MARCHF3: variants seen among roughly 807,000 people sequenced by gnomAD.
The protein encoded by MARCHF3 is membrane associated ring-CH-type finger 3, also known as E3 ubiquitin-protein ligase MARCHF3.
Under a neutral mutation model 24.2 loss-of-function variants are expected in MARCHF3, and 13 were observed. The observed-to-expected ratio is 0.54, with a 90% CI of 0.35 to 0.85. MARCHF3 has a LOEUF of 0.85. Ranked by LOEUF, MARCHF3 falls within the 40% of genes least tolerant of loss-of-function variation. The probability of loss-of-function intolerance (pLI) is 0.01; values close to 1 mark genes in which losing one functional copy is unlikely to be tolerated. For missense variants in MARCHF3, 276 were observed against 325.0 expected (o/e 0.85, Z 1.16); for synonymous variants, 144 against 137.3 (o/e 1.05, Z -0.34).
chr5:126,914,013 T>G (rs1011974367), intron 3 of MARCHF3, among the ~76,000 whole-genome samples: 3 of 147,506 alleles, frequency 2.0e-5, no homozygotes, highest in Non-Finnish European at 1.5e-5. Flanking sequence ...AGACGGAGTC[T>G]TGCTCTGTCA....
chr5:127,014,313 T>C (rs1289847994), intron 1 of MARCHF3, among the ~76,000 whole-genome samples: 2 of 152,252 alleles, frequency 1.3e-5, no homozygotes, highest in East Asian at 3.9e-4. Flanking sequence ...TCACCCCAGA[T>C]ACGATGGCTA....
chr5:126,958,027 A>C (rs1750504617), intron 1 of MARCHF3, among the ~76,000 whole-genome samples: 1 of 152,164 alleles, frequency 6.6e-6, no homozygotes, highest in Non-Finnish European at 1.5e-5. Flanking sequence ...TACATGTTAT[A>C]ACTACTTATT....
intron 1 of MARCHF3, among the ~76,000 whole-genome samples, chr5:126,973,742 C>T (rs374489837): frequency 2.0e-5 from 3 of 152,198 alleles, no homozygotes; most frequent in African/African-American, 4.8e-5. Flanking sequence ...AACATATATA[C>T]GTTTTTGTAG....
chr5:126,904,714 G>A lies in MARCHF3; in HGVS notation c.393+10216C>T, dbSNP rs571129647. Reference sequence around the variant, plus strand: ...AGTTCATTGTAGATTCTGGATATTAGCCCTTTGTCAGATGAGTAGGTTGGG... The same window carrying A: ...AGTTCATTGTAGATTCTGGATATTAACCCTTTGTCAGATGAGTAGGTTGGG... On this transcript the variant is annotated intron_variant, in intron 3 of 4. Transcript: ENST00000308660. Among the ~76,000 whole-genome samples the A allele has an allele frequency of 2.7e-4, 41 of 150,760 alleles. No homozygotes were observed. In the East Asian group the frequency reaches 7.6e-3, roughly 28 times the overall value.
intron 3 of MARCHF3, among the ~76,000 whole-genome samples, chr5:126,895,997 C>T (rs1189788619): frequency 6.6e-6 from 1 of 152,130 alleles, no homozygotes; most frequent in East Asian, 1.9e-4. Context: ...AAGCCAGGTG[C>T]GGGATATAAT....
At position 127,004,968 on chromosome 5, in the gene MARCHF3, A is replaced by G. The variant is rs59255338; in HGVS notation, c.-57+25382T>C. On this transcript the variant is annotated intron_variant, in intron 1 of 4. Coordinates refer to ENST00000308660, the MANE Select transcript of MARCHF3 (RefSeq NM_178450.5). Reference sequence around the variant, plus strand: ...TCAGCTGATGCTGGAGTTAAAAAAAAAAAAAGTTTTTCCTAAACACAAATC... The same window carrying G: ...TCAGCTGATGCTGGAGTTAAAAAAAGAAAAAGTTTTTCCTAAACACAAATC... Among the ~76,000 whole-genome samples the G allele has an allele frequency of 8.3e-3, 1,260 of 152,078 alleles. 19 individuals are homozygous for G. Among genetic ancestry groups the G allele is most frequent in the East Asian group, 0.025 (131 of 5,166 alleles).
chr5:126,931,500 T>C (rs1182097645), intron 1 of MARCHF3, among the ~76,000 whole-genome samples: 1 of 152,126 alleles, frequency 6.6e-6, no homozygotes, highest in African/African-American at 2.4e-5. Flanking sequence ...CTTAGATCTC[T>C]AGTCATATGT....
At chr5:126,927,761 G>A (rs1749344816) in intron 1 of MARCHF3, among the ~76,000 whole-genome samples, 1 of 152,188 alleles carries the variant, frequency 6.6e-6, no homozygotes, top group South Asian at 2.1e-4. Context: ...CACTCAGAAG[G>A]AAGGTCCTGA....
chr5:126,916,066 T>G (rs538170822), intron 2 of MARCHF3, among the ~76,000 whole-genome samples: 3 of 152,320 alleles, frequency 2.0e-5, no homozygotes, highest in South Asian at 4.1e-4. Flanking sequence ...AGCAAATGCC[T>G]AGTTAATGCT....
At chr5:126,908,272 C>A (rs907510391) in intron 3 of MARCHF3, among the ~76,000 whole-genome samples, 19 of 152,086 alleles carry the variant, frequency 1.2e-4, no homozygotes, top group African/African-American at 4.6e-4. Context: ...TTCATTGCAA[C>A]TTTGGTGAAT....
chr5:126,901,971 A>G (rs942623440), intron 3 of MARCHF3, among the ~76,000 whole-genome samples: 1 of 152,112 alleles, frequency 6.6e-6, no homozygotes, highest in South Asian at 2.1e-4. Flanking sequence ...CACCCATGGA[A>G]TAACTTCTAA....
At chr5:126,931,610 C>CAG (rs1749482726) in intron 1 of MARCHF3, among the ~76,000 whole-genome samples, 1 of 144,694 alleles carries the variant, frequency 6.9e-6, no homozygotes, top group Admixed American at 7.0e-5. Flanking sequence ...CACACACACA[C>CAG]AGGCTCTATA....
chr5:126,986,435 G>A (rs1252401985), intron 1 of MARCHF3, among the ~76,000 whole-genome samples: 1 of 152,030 alleles, frequency 6.6e-6, no homozygotes, highest in Non-Finnish European at 1.5e-5. Flanking sequence ...TATTGCTCAA[G>A]GTAATGTGAA....
At chr5:126,983,086 C>T (rs1475948740) in intron 1 of MARCHF3, among the ~76,000 whole-genome samples, 2 of 152,142 alleles carry the variant, frequency 1.3e-5, no homozygotes, top group African/African-American at 2.4e-5. Context: ...GCTGTGCACT[C>T]CTCTGTTGTG....
At chr5:126,877,429 G>A (rs1753194118) in intron 4 of MARCHF3, among the ~76,000 whole-genome samples, 1 of 152,204 alleles carries the variant, frequency 6.6e-6, no homozygotes, top group African/African-American at 2.4e-5. Context: ...CTTCCCTGCA[G>A]CTCCCAGAGG....
chr5:127,021,499 A>C (rs957719666), intron 1 of MARCHF3, among the ~76,000 whole-genome samples: 7 of 152,248 alleles, frequency 4.6e-5, no homozygotes, highest in African/African-American at 1.7e-4. Flanking sequence ...AAATGGGGTG[A>C]ACATTATAAC....
intron 1 of MARCHF3, among the ~76,000 whole-genome samples, chr5:126,968,726 C>A (rs1264708874): frequency 6.6e-6 from 1 of 152,144 alleles, no homozygotes; most frequent in Non-Finnish European, 1.5e-5. Context: ...AGGTGTACCC[C>A]AGCAAGCCCA....
Position 126,975,944 on chromosome 5 carries a change from C to T in MARCHF3, c.-57+54406G>A, listed in dbSNP as rs151165639. On this transcript the variant is annotated intron_variant, in intron 1 of 4. Transcript: ENST00000308660. ...TATTCCCAGTAGGCCTGTGCCAATG[C>T]CTCTTTGGGTTTCTTTCACTCCCTT... Among the ~76,000 whole-genome samples, 437 of 152,280 alleles carry T rather than the reference C, an allele frequency of 2.9e-3. 2 individuals are homozygous for T. Among genetic ancestry groups the T allele is most frequent in the African/African-American group, 8.0e-3 (334 of 41,554 alleles).
chr5:126,971,426 G>A (rs1751004806), intron 1 of MARCHF3, among the ~76,000 whole-genome samples: 1 of 147,904 alleles, frequency 6.8e-6, no homozygotes, highest in African/African-American at 2.5e-5. Context: ...TCCAGCCTGG[G>A]TGACAGAGCG....
Sources: gnomAD v4.1 joint callset for allele counts (sites outside exome capture counted in the v4.1 genomes callset) on GRCh38, gnomAD v4.1.1 for gene constraint, MANE v1.5 for transcripts, NCBI Gene and HGNC (gene_info 2026-07-23, HGNC 2026-07-21) for gene names.